SYNPR: variants seen among roughly 807,000 people sequenced by gnomAD.
SYNPR encodes synaptoporin.
Under a neutral mutation model 32.9 loss-of-function variants are expected in SYNPR, and 23 were observed. That is an observed-to-expected ratio of 0.70 (90% CI 0.50 to 0.99). SYNPR has a LOEUF of 0.99. Among genes scored for constraint, SYNPR ranks in the 50% least tolerant of loss-of-function variants. The probability of loss-of-function intolerance (pLI) is 0.00; values close to 1 mark genes in which losing one functional copy is unlikely to be tolerated. For missense variants in SYNPR, 318 were observed against 349.3 expected, an observed-to-expected ratio of 0.91 and a Z score of 0.71; for synonymous variants, 146 against 135.9, an observed-to-expected ratio of 1.07 and a Z score of -0.52.
At chr3:63,587,527 T>C (rs1575725116) in intron 4 of SYNPR, among the ~76,000 whole-genome samples, 1 of 152,106 alleles carries the variant, frequency 6.6e-6, no homozygotes, top group South Asian at 2.1e-4. Context: ...CCTGAATTTA[T>C]ATCAGCAGTT....
intron 5 of SYNPR, among the ~76,000 whole-genome samples, chr3:63,612,319 T>A (rs1339380895): frequency 6.6e-6 from 1 of 152,208 alleles, no homozygotes; most frequent in Non-Finnish European, 1.5e-5. Context: ...TTCCCAAATG[T>A]CATACAGTGT....
intron 2 of SYNPR, among the ~76,000 whole-genome samples, chr3:63,304,157 G>C (rs1435433803): frequency 1.3e-5 from 2 of 151,950 alleles, no homozygotes; most frequent in African/African-American, 2.4e-5. Flanking sequence ...AAAAGCAACA[G>C]CTGGGTTAAT....
At chr3:63,579,625 A>G (rs1355543945) in intron 4 of SYNPR, among the ~76,000 whole-genome samples, 1 of 152,074 alleles carries the variant, frequency 6.6e-6, no homozygotes, top group Non-Finnish European at 1.5e-5. Flanking sequence ...GATGCTCAAC[A>G]TGAGGTGCAA....
At chr3:63,287,100 G>C (rs1221164931) in intron 2 of SYNPR, among the ~76,000 whole-genome samples, 1 of 152,120 alleles carries the variant, frequency 6.6e-6, no homozygotes, top group Non-Finnish European at 1.5e-5. Context: ...TACAAGAAAG[G>C]ATGATGCTGC....
At chr3:63,374,242 T>A (rs186507098) in intron 2 of SYNPR, among the ~76,000 whole-genome samples, 122 of 152,368 alleles carry the variant, frequency 8.0e-4, no homozygotes, top group Non-Finnish European at 8.8e-5. Context: ...GAGGGTTTTT[T>A]AATATCAAGT....
chr3:63,222,120 A>C, the SYNPR span, among the ~76,000 whole-genome samples: 1 of 147,762 alleles, frequency 6.8e-6, no homozygotes, highest in Non-Finnish European at 1.5e-5. Context: ...AGTTTTGAGA[A>C]GACCCTTTAA....
At chr3:63,459,069 G>A (rs1232993661) in intron 2 of SYNPR, among the ~76,000 whole-genome samples, 3 of 151,722 alleles carry the variant, frequency 2.0e-5, no homozygotes, top group Non-Finnish European at 4.4e-5. Flanking sequence ...AAGACTTCCA[G>A]CACACCCCCT....
At chr3:63,425,218 G>A (rs1414059771) in intron 2 of SYNPR, among the ~76,000 whole-genome samples, 1 of 152,290 alleles carries the variant, frequency 6.6e-6, no homozygotes, top group South Asian at 2.1e-4. Context: ...ATTTTGGGGG[G>A]AAATGAGCAA....
At chr3:63,397,103 CAAA>C (rs10601486) in intron 2 of SYNPR, among the ~76,000 whole-genome samples, 23,328 of 99,244 alleles carry the variant, frequency 0.24, 1,884 homozygotes, top group East Asian at 0.52. Flanking sequence ...GACTCCGTCT[CAAA>C]AAAAAAAAAA....
At position 63,601,656 on chromosome 3, in the gene SYNPR, T is replaced by C. The variant is rs117537091; in HGVS notation, c.409-7469T>C. ...GGATTATGGTCTCCAGCTCCATCTA[T>C]GTTGCTACAAAGGACATGATCTCAT... On this transcript the variant is annotated intron_variant, in intron 4 of 5. Transcript: ENST00000478300. 2.6e-3 allele frequency among the ~76,000 whole-genome samples: 390 copies of C among 152,346 alleles called. 17 individuals are homozygous for C. In the East Asian group the frequency reaches 0.07, roughly 27 times the overall value.
intron 4 of SYNPR, among the ~76,000 whole-genome samples, chr3:63,603,681 C>A (rs1444374520): frequency 6.6e-6 from 1 of 152,098 alleles, no homozygotes; most frequent in Admixed American, 6.5e-5. Flanking sequence ...ACCTTGCATC[C>A]CAGGGATAAA....
chr3:63,535,371 A>G (rs1702184248), intron 3 of SYNPR, among the ~76,000 whole-genome samples: 1 of 152,126 alleles, frequency 6.6e-6, no homozygotes. Flanking sequence ...ATAGACTACA[A>G]TAACCTGTGA....
At chr3:63,426,020 T>G (rs886312098) in intron 2 of SYNPR, among the ~76,000 whole-genome samples, 2 of 151,964 alleles carry the variant, frequency 1.3e-5, no homozygotes, top group African/African-American at 4.8e-5. Context: ...CTCCTGACCT[T>G]GTGATCCACC....
chr3:63,239,238 G>C (rs910900724), intron 1 of SYNPR, among the ~76,000 whole-genome samples: 1 of 127,928 alleles, frequency 7.8e-6, no homozygotes. Context: ...CCCTTGACTA[G>C]TAAAGTGTGA....
rs74724027 is a variant in SYNPR at position 63,606,146 on chromosome 3, G to A, written c.409-2979G>A. Among the ~76,000 whole-genome samples the A allele has an allele frequency of 2.1e-3, 318 of 152,240 alleles. 6 individuals carry two copies. The East Asian group carries it at 0.027, about 13-fold the overall frequency. ...CAAGTAGTCTAGCAAATGGACACAC[G>A]GGTAACAGGTAGTAAGTGTCAAAGT... On this transcript the variant is annotated intron_variant, in intron 4 of 5. Transcript: ENST00000478300.
chr3:63,429,511 T>G (rs944782883), intron 2 of SYNPR, among the ~76,000 whole-genome samples: 2 of 152,202 alleles, frequency 1.3e-5, no homozygotes, highest in Non-Finnish European at 2.9e-5. Context: ...AATTCTTCCT[T>G]AATAGACATG....
chr3:63,576,921 G>A lies in SYNPR; in HGVS notation c.408+20180G>A, dbSNP rs1702992393. Among the ~76,000 whole-genome samples, 3 of 152,108 alleles carry A rather than the reference G, an allele frequency of 2.0e-5. No homozygotes were observed. The South Asian group carries it at 6.2e-4, about 32-fold the overall frequency. ...ACCTCAGAAACCTGTGATCCTTGAAGAGCCATTTGCACATTCACTCTACCC... is the reference window on the plus strand; with the variant it reads ...ACCTCAGAAACCTGTGATCCTTGAAAAGCCATTTGCACATTCACTCTACCC... On this transcript the variant is annotated intron_variant, in intron 4 of 5. Coordinates refer to ENST00000478300, the MANE Select transcript of SYNPR (RefSeq NM_001130003.2).
rs927439651 is a variant in SYNPR at position 63,574,804 on chromosome 3, C to A, written c.408+18063C>A. Among the ~76,000 whole-genome samples, 3 of 152,238 alleles carry A rather than the reference C, an allele frequency of 2.0e-5. No homozygotes were observed. The South Asian group carries it at 6.2e-4, about 32-fold the overall frequency. On this transcript the variant is annotated intron_variant, in intron 4 of 5. Coordinates refer to ENST00000478300, the MANE Select transcript of SYNPR (RefSeq NM_001130003.2). Reference sequence around the variant, plus strand: ...GGTGTCCTATCCCTCAGGGAACCCACAATCTCAGGGGTAGAGATAGATAGA... The same window carrying A: ...GGTGTCCTATCCCTCAGGGAACCCAAAATCTCAGGGGTAGAGATAGATAGA...
intron 4 of SYNPR, among the ~76,000 whole-genome samples, chr3:63,572,206 C>T (rs1702899284): frequency 6.6e-6 from 1 of 152,082 alleles, no homozygotes; most frequent in African/African-American, 2.4e-5. Context: ...GTCTTGCTAC[C>T]TACTAAATCA....
Sources: allele counts gnomAD v4.1 joint callset (sites outside exome capture counted in the v4.1 genomes callset), GRCh38; gene constraint gnomAD v4.1.1; transcripts MANE v1.5; gene names NCBI Gene and HGNC (gene_info 2026-07-23, HGNC 2026-07-21).